The following TRAPPC9 variants were observed in gnomAD, a reference collection of about 807,000 sequenced individuals.
TRAPPC9 encodes the protein trafficking protein particle complex subunit 9, also known as IKK2 binding protein.
In TRAPPC9, 83 loss-of-function variants were observed where a neutral mutation model predicts 124.0. The observed-to-expected ratio is 0.67, with a 90% CI of 0.56 to 0.80. The LOEUF (loss-of-function observed/expected upper bound fraction) is 0.80, where lower values mean the gene tolerates loss of function less well. Ranked by LOEUF, TRAPPC9 falls within the 30% of genes least tolerant of loss-of-function variation. TRAPPC9 has a pLI of 0.00. For missense variants in TRAPPC9, 1,302 were observed against 1,508.3 expected (o/e 0.86, Z 2.27); for synonymous variants, 638 against 617.5 (o/e 1.03, Z -0.49).
chr8:140,096,299 T>C (rs1039885369), intron 17 of TRAPPC9: 3 of 152,216 alleles, frequency 2.0e-5, no homozygotes, highest in Non-Finnish European at 4.4e-5. Context: ...TTTCAGGCCA[T>C]TGTAAAAACA....
intron 17 of TRAPPC9, among the ~76,000 whole-genome samples, chr8:140,183,942 GAGAGGAGAGGGGAGGGGAGGGA>G (rs1253235044): frequency 0.067 from 3,836 of 57,054 alleles, 278 homozygotes; most frequent in South Asian, 0.13. Flanking sequence ...GAGAGGAGAG[GAGAGGAGAGGGGAGGGGAGGGA>G]GGAGGGAGGA....
chr8:140,272,969 T>C (rs528282128), intron 15 of TRAPPC9, among the ~76,000 whole-genome samples: 2 of 151,962 alleles, frequency 1.3e-5, no homozygotes, highest in East Asian at 3.9e-4. Flanking sequence ...AGAACAAATC[T>C]GAGTGCTTAC....
chr8:139,839,161 C>T (rs1012452590), intron 21 of TRAPPC9, among the ~76,000 whole-genome samples: 3 of 152,352 alleles, frequency 2.0e-5, no homozygotes, highest in East Asian at 1.9e-4. Flanking sequence ...TTGTCCGGGA[C>T]GTGGCACAGG....
At chr8:140,123,904 C>T (rs1000576439) in intron 17 of TRAPPC9, among the ~76,000 whole-genome samples, 13 of 152,134 alleles carry the variant, frequency 8.5e-5, no homozygotes, top group African/African-American at 2.9e-4. Flanking sequence ...TGGTAACAAG[C>T]AGCCTCCAAA....
intron 21 of TRAPPC9, among the ~76,000 whole-genome samples, chr8:139,876,142 C>A (rs547521247): frequency 6.6e-6 from 1 of 152,234 alleles, no homozygotes; most frequent in Non-Finnish European, 1.5e-5. Flanking sequence ...CCATGTTACA[C>A]AATTTGATGA....
chr8:140,271,440 G>C (rs943800749), intron 15 of TRAPPC9, among the ~76,000 whole-genome samples: 4 of 152,078 alleles, frequency 2.6e-5, no homozygotes, highest in Non-Finnish European at 4.4e-5. Context: ...TCATAGTATG[G>C]GAGAGGATGG....
intron 21 of TRAPPC9, among the ~76,000 whole-genome samples, chr8:139,811,585 C>T (rs1272505605): frequency 2.0e-5 from 3 of 152,238 alleles, no homozygotes; most frequent in Admixed American, 6.5e-5. Context: ...AGCAGGTCAC[C>T]TGCAAAGGAT....
At chr8:139,947,930 A>AGC in intron 19 of TRAPPC9, among the ~76,000 whole-genome samples, 1 of 137,640 alleles carries the variant, frequency 7.3e-6, no homozygotes, top group Non-Finnish European at 1.6e-5. Context: ...AGAGCGAGAG[A>AGC]GAGAGAGAGA....
intron 21 of TRAPPC9, among the ~76,000 whole-genome samples, chr8:139,765,447 C>T (rs892209622): frequency 6.6e-6 from 1 of 152,228 alleles, no homozygotes. Context: ...TGCTCTGAGG[C>T]TCCAGAAGGT....
chr8:139,958,577 T>G (rs969971464), intron 19 of TRAPPC9, among the ~76,000 whole-genome samples: 7 of 152,234 alleles, frequency 4.6e-5, no homozygotes, highest in Admixed American at 1.3e-4. Flanking sequence ...GTAAAATGTG[T>G]CTAATTGGAT....
intron 17 of TRAPPC9, among the ~76,000 whole-genome samples, chr8:140,135,350 T>C (rs750719452): frequency 5.9e-5 from 9 of 152,164 alleles, no homozygotes; most frequent in Non-Finnish European, 1.2e-4. Flanking sequence ...TTTATCCCAA[T>C]ACTCATAGCA....
intron 17 of TRAPPC9, among the ~76,000 whole-genome samples, chr8:140,188,808 C>T (rs891534114): frequency 6.6e-6 from 1 of 152,210 alleles, no homozygotes; most frequent in South Asian, 2.1e-4. Flanking sequence ...CACAATTTGA[C>T]CACTATCCAC....
At chr8:140,137,339 A>G (rs1264574274) in intron 17 of TRAPPC9, among the ~76,000 whole-genome samples, 2 of 151,468 alleles carry the variant, frequency 1.3e-5, no homozygotes, top group East Asian at 1.9e-4. Context: ...CCTGGCACTC[A>G]AGGAGGTCTG....
At chr8:140,088,317 G>T (rs1844335069) in intron 17 of TRAPPC9, among the ~76,000 whole-genome samples, 1 of 152,184 alleles carries the variant, frequency 6.6e-6, no homozygotes, top group South Asian at 2.1e-4. Context: ...TGATAGTTAT[G>T]CAAGAAATGT....
chr8:139,873,305 A>G (rs1829120696), intron 21 of TRAPPC9, among the ~76,000 whole-genome samples: 1 of 152,168 alleles, frequency 6.6e-6, no homozygotes, highest in Non-Finnish European at 1.5e-5. Context: ...CAACACATTG[A>G]TCACTGATAG....
intron 20 of TRAPPC9, among the ~76,000 whole-genome samples, chr8:139,893,434 C>T (rs1312481945): frequency 6.6e-6 from 1 of 152,222 alleles, no homozygotes; most frequent in Non-Finnish European, 1.5e-5. Flanking sequence ...CCTGCCCTGG[C>T]GGTCTGCACA....
At chr8:140,399,209 T>G (rs1333355686) in intron 6 of TRAPPC9, among the ~76,000 whole-genome samples, 3 of 152,354 alleles carry the variant, frequency 2.0e-5, no homozygotes, top group Non-Finnish European at 4.4e-5. Context: ...ATGGAGAACC[T>G]CTGCTAGGGC....
chr8:140,047,188 C>T (rs1587585912), intron 17 of TRAPPC9, among the ~76,000 whole-genome samples: 3 of 152,222 alleles, frequency 2.0e-5, no homozygotes, highest in Admixed American at 1.3e-4. Context: ...GACTCCAGGG[C>T]GGATGGTCAC....
intron 21 of TRAPPC9, among the ~76,000 whole-genome samples, chr8:139,748,404 T>G (rs1179470399): frequency 3.0e-5 from 1 of 32,870 alleles, no homozygotes; most frequent in Non-Finnish European, 5.6e-5. Flanking sequence ...AGAGCAGGTG[T>G]GGGGGCTGTG....
Sources: allele counts gnomAD v4.1 joint callset (sites outside exome capture counted in the v4.1 genomes callset), GRCh38; gene constraint gnomAD v4.1.1; transcripts MANE v1.5; gene names NCBI Gene and HGNC (gene_info 2026-07-23, HGNC 2026-07-21).